Variants in ROBO1 observed in about 807,000 individuals in gnomAD.
ROBO1 encodes roundabout homolog 1.
ROBO1 carries 149 observed loss-of-function variants against 195.9 expected under a neutral mutation model. That is an observed-to-expected ratio of 0.76 (90% confidence interval 0.67 to 0.87). The LOEUF (loss-of-function observed/expected upper bound fraction) is 0.87, where lower values mean the gene tolerates loss of function less well. Ranked by LOEUF, ROBO1 falls within the 40% of genes least tolerant of loss-of-function variation. ROBO1 has a pLI of 0.00. For missense variants in ROBO1, 1,933 were observed against 2,068.3 expected (o/e 0.93, Z 1.27); for synonymous variants, 816 against 733.2 (o/e 1.11, Z -1.82).
chr3:79,068,624 T>A (rs1405640916), intron 3 of ROBO1, among the ~76,000 whole-genome samples: 2 of 151,888 alleles, frequency 1.3e-5, no homozygotes, highest in South Asian at 2.1e-4. Context: ...AAGTAACTTT[T>A]CTTTATCTCA....
At chr3:79,446,417 A>G (rs1472946089) in intron 2 of ROBO1, among the ~76,000 whole-genome samples, 1 of 152,192 alleles carries the variant, frequency 6.6e-6, no homozygotes, top group Non-Finnish European at 1.5e-5. Context: ...ACATTATTTG[A>G]GGGCACTTGA....
chr3:79,679,244 T>A (rs1946872835), intron 1 of ROBO1, among the ~76,000 whole-genome samples: 1 of 152,044 alleles, frequency 6.6e-6, no homozygotes, highest in Non-Finnish European at 1.5e-5. Flanking sequence ...TTATAAAAAG[T>A]TCTTGCATTT....
At chr3:79,300,420 C>T (rs545554098) in intron 2 of ROBO1, among the ~76,000 whole-genome samples, 6 of 152,338 alleles carry the variant, frequency 3.9e-5, no homozygotes, top group South Asian at 2.1e-4. Flanking sequence ...ACCGGCGCTG[C>T]GCTCGATTTC....
At chr3:78,864,856 A>G (rs1429855703) in intron 4 of ROBO1, among the ~76,000 whole-genome samples, 1 of 152,180 alleles carries the variant, frequency 6.6e-6, no homozygotes, top group Non-Finnish European at 1.5e-5. Flanking sequence ...AGAAGTATAA[A>G]GAAAAAGGGT....
At chr3:79,671,393 T>C (rs1192143021) in intron 1 of ROBO1, among the ~76,000 whole-genome samples, 1 of 151,870 alleles carries the variant, frequency 6.6e-6, no homozygotes, top group South Asian at 2.1e-4. Flanking sequence ...GAATATCTAA[T>C]AAATTTTACC....
intron 1 of ROBO1, among the ~76,000 whole-genome samples, chr3:79,716,842 T>C (rs1365625040): frequency 1.3e-5 from 2 of 152,018 alleles, no homozygotes; most frequent in Non-Finnish European, 2.9e-5. Context: ...TTAAAAATGA[T>C]TCGATGACAT....
chr3:79,756,550 C>CAAAAAA (rs147939503), intron 1 of ROBO1, among the ~76,000 whole-genome samples: 3 of 106,400 alleles, frequency 2.8e-5, no homozygotes, highest in African/African-American at 7.5e-5. Context: ...AGCACCATCT[C>CAAAAAA]AAAAAAAAAA....
At chr3:79,718,333 G>A (rs1332608182) in intron 1 of ROBO1, among the ~76,000 whole-genome samples, 2 of 151,898 alleles carry the variant, frequency 1.3e-5, no homozygotes, top group Admixed American at 6.6e-5. Context: ...CTTAAGCATT[G>A]AGAAATAATA....
chr3:79,007,052 C>A (rs1313223546), intron 3 of ROBO1, among the ~76,000 whole-genome samples: 1 of 151,854 alleles, frequency 6.6e-6, no homozygotes, highest in Non-Finnish European at 1.5e-5. Context: ...AAAACACTGG[C>A]TAATTAGATA....
At chr3:79,535,385 T>A (rs572043490) in intron 2 of ROBO1, among the ~76,000 whole-genome samples, 214 of 152,266 alleles carry the variant, frequency 1.4e-3, no homozygotes, top group Non-Finnish European at 2.0e-3. Context: ...AGGACACCAT[T>A]TTTTAGCATG....
intron 2 of ROBO1, among the ~76,000 whole-genome samples, chr3:79,288,497 T>G (rs1263044060): frequency 2.6e-5 from 4 of 152,192 alleles, no homozygotes; most frequent in Admixed American, 1.3e-4. Flanking sequence ...CGTGTGCATG[T>G]GTGTTGCTGT....
intron 1 of ROBO1, among the ~76,000 whole-genome samples, chr3:79,657,846 A>C (rs1946213403): frequency 6.6e-6 from 1 of 152,042 alleles, no homozygotes; most frequent in East Asian, 1.9e-4. Context: ...TGAAGCTTAT[A>C]TATTGAAACA....
intron 2 of ROBO1, among the ~76,000 whole-genome samples, chr3:79,471,183 C>T (rs943603149): frequency 3.9e-5 from 6 of 152,044 alleles, no homozygotes; most frequent in African/African-American, 1.4e-4. Context: ...AAATGTAAGA[C>T]CCAAAGCTAT....
At chr3:79,171,444 T>A (rs890443998) in intron 2 of ROBO1, among the ~76,000 whole-genome samples, 48 of 131,978 alleles carry the variant, frequency 3.6e-4, no homozygotes, top group African/African-American at 1.2e-3. Flanking sequence ...CATAACAAAA[T>A]CTGGGCTTAA....
chr3:78,822,089 T>TACACAC (rs1426335892), intron 4 of ROBO1, among the ~76,000 whole-genome samples: 1 of 113,668 alleles, frequency 8.8e-6, no homozygotes, highest in Admixed American at 8.6e-5. Context: ...AACACACATA[T>TACACAC]ACATACACAC....
At chr3:79,607,095 G>GCACACA (rs35692271) in intron 1 of ROBO1, among the ~76,000 whole-genome samples, 36,138 of 139,800 alleles carry the variant, frequency 0.26, 4,845 homozygotes, top group South Asian at 0.38. Flanking sequence ...ATTAAAACCT[G>GCACACA]CACACACACA....
chr3:79,095,238 C>T (rs1259856857), intron 3 of ROBO1, among the ~76,000 whole-genome samples: 1 of 151,780 alleles, frequency 6.6e-6, no homozygotes, highest in Non-Finnish European at 1.5e-5. Context: ...AATTTTCTCC[C>T]CCTTGAGTGG....
At chr3:79,360,406 T>C (rs1480355904) in intron 2 of ROBO1, among the ~76,000 whole-genome samples, 1 of 151,946 alleles carries the variant, frequency 6.6e-6, no homozygotes, top group South Asian at 2.1e-4. Context: ...TTATGAAGAA[T>C]TTTTTTGTAC....
At chr3:79,208,015 T>C (rs558819590) in intron 2 of ROBO1, among the ~76,000 whole-genome samples, 1 of 152,308 alleles carries the variant, frequency 6.6e-6, no homozygotes, top group South Asian at 2.1e-4. Flanking sequence ...AAAAGTTTTA[T>C]TTGTAAAAAA....
Sources: gnomAD v4.1 joint callset for allele counts (sites outside exome capture counted in the v4.1 genomes callset) on GRCh38, gnomAD v4.1.1 for gene constraint, MANE v1.5 for transcripts, NCBI Gene and HGNC (gene_info 2026-07-23, HGNC 2026-07-21) for gene names.